The following WWOX variants were observed in gnomAD, a reference collection of about 807,000 sequenced individuals.
The protein encoded by WWOX is WW domain-containing oxidoreductase.
Under a neutral mutation model 46.2 loss-of-function variants are expected in WWOX, and 69 were observed. The ratio of observed to expected loss-of-function variants is 1.49; its 90% CI spans 1.23 to 1.82. WWOX has a LOEUF of 1.82. WWOX is among the 40% of genes most tolerant of loss of function. The pLI is 0.00. For synonymous variants in WWOX, 359 were observed against 202.6 expected, an observed-to-expected ratio of 1.77 and a Z score of -6.56; for missense variants, 919 against 542.6, an observed-to-expected ratio of 1.69 and a Z score of -6.89.
At chr16:78,256,989 G>A (rs1374207317) in intron 5 of WWOX, among the ~76,000 whole-genome samples, 1 of 152,052 alleles carries the variant, frequency 6.6e-6, no homozygotes, top group African/African-American at 2.4e-5. Flanking sequence ...TGAGGCCAAG[G>A]CAGTCTACTC....
At chr16:78,516,659 C>T (rs572548511) in intron 8 of WWOX, among the ~76,000 whole-genome samples, 2 of 152,292 alleles carry the variant, frequency 1.3e-5, no homozygotes, top group East Asian at 3.9e-4. Flanking sequence ...CTGTACCCTT[C>T]ACACGTGCCT....
Position 78,705,625 on chromosome 16 carries a change from G to A in WWOX, c.1056+272873G>A, listed in dbSNP as rs551562071. Among the ~76,000 whole-genome samples, 70 of 152,216 alleles carry A rather than the reference G, an allele frequency of 4.6e-4. No homozygotes were observed. In the South Asian group the frequency reaches 0.014, roughly 31 times the overall value. ...ACTTAAAGTAACAGAAAAGGACTGG[G>A]GAAAAGCTGATGTTGTAGCTGTATG... On this transcript the variant is annotated intron_variant, in intron 8 of 8. Coordinates refer to ENST00000566780, the MANE Select transcript of WWOX (RefSeq NM_016373.4).
rs971703034 is a variant in WWOX at position 78,883,777 on chromosome 16, G to A, written c.1057-327831G>A. Among the ~76,000 whole-genome samples, 4 of 152,006 alleles carry A rather than the reference G, an allele frequency of 2.6e-5. No homozygotes were observed. The South Asian group carries it at 8.3e-4, about 32-fold the overall frequency. ...CAATAAGCGTACCATGGTCATGTGAGATGTTGACATTAGGGGAAAGACAAT... is the reference window on the plus strand; with the variant it reads ...CAATAAGCGTACCATGGTCATGTGAAATGTTGACATTAGGGGAAAGACAAT... On this transcript the variant is annotated intron_variant, in intron 8 of 8. Coordinates refer to ENST00000566780, the MANE Select transcript of WWOX (RefSeq NM_016373.4).
At chr16:78,153,441 A>T (rs1349290550) in intron 4 of WWOX, among the ~76,000 whole-genome samples, 1 of 152,124 alleles carries the variant, frequency 6.6e-6, no homozygotes, top group Non-Finnish European at 1.5e-5. Flanking sequence ...AACAGTCCCC[A>T]CATTTGCATT....
rs139414491 is a variant in WWOX, at chr16:78,287,141, C to G, written c.517-99719C>G. Among the ~76,000 whole-genome samples, 25 of 152,350 alleles carry G rather than the reference C, an allele frequency of 1.6e-4. No individual in the cohort carries two copies. In the East Asian group the frequency reaches 4.6e-3, roughly 28 times the overall value. ...GTGAAATTTGTAATATGTGTCAGAA[C>G]TGGCAATCAACGCCATAAGGACAAT... On this transcript the variant is annotated intron_variant, in intron 5 of 8. Transcript: ENST00000566780.
intron 6 of WWOX, among the ~76,000 whole-genome samples, chr16:78,404,543 TGTG>T (rs1289954553): frequency 6.6e-6 from 1 of 152,156 alleles, no homozygotes; most frequent in African/African-American, 2.4e-5. Context: ...CACTTTCTCT[TGTG>T]GAGTTCGCTA....
At chr16:78,904,262 C>T (rs148445325) in intron 8 of WWOX, among the ~76,000 whole-genome samples, 3,736 of 102,092 alleles carry the variant, frequency 0.037, 182 homozygotes, top group East Asian at 0.3. Flanking sequence ...TTTTTTTAGT[C>T]GGAGTCTCAC....
intron 5 of WWOX, among the ~76,000 whole-genome samples, chr16:78,201,873 G>A (rs896800997): frequency 4.6e-5 from 7 of 151,766 alleles, no homozygotes; most frequent in African/African-American, 1.5e-4. Context: ...CTAATTTTTT[G>A]TATTTTTAGT....
intron 8 of WWOX, among the ~76,000 whole-genome samples, chr16:79,113,570 C>G (rs7206890): frequency 6.6e-6 from 1 of 152,144 alleles, no homozygotes; most frequent in African/African-American, 2.4e-5. Flanking sequence ...AGGCTTACGC[C>G]TGGGTGGAAT....
rs78297852 is a variant in WWOX, at chr16:78,410,980, G to C, written c.606-13890G>C. On this transcript the variant is annotated intron_variant, in intron 6 of 8. Transcript: ENST00000566780. ...GAGGCGAACCTCAGTTCCCTGCCAT[G>C]TGGGCCTCTTCATGGGGCAGTTGAT... is the stretch of plus-strand genomic sequence containing the variant. Among the ~76,000 whole-genome samples the C allele has an allele frequency of 6.6e-3, 1,000 of 152,240 alleles. 5 individuals are homozygous for C. The highest frequency in any genetic ancestry group is 0.011 in the Admixed American group (170 of 15,284).
At chr16:78,985,908 C>A (rs747818078) in intron 8 of WWOX, among the ~76,000 whole-genome samples, 1 of 152,206 alleles carries the variant, frequency 6.6e-6, no homozygotes, top group Non-Finnish European at 1.5e-5. Flanking sequence ...CAGCCAGGAT[C>A]CCTCTCATAC....
intron 8 of WWOX, among the ~76,000 whole-genome samples, chr16:78,439,265 T>C (rs66687628): frequency 0.042 from 6,322 of 152,264 alleles, 266 homozygotes; most frequent in East Asian, 0.23. Flanking sequence ...GGTTTGAATT[T>C]TCTGGTTGCC....
intron 5 of WWOX, among the ~76,000 whole-genome samples, chr16:78,353,503 C>G (rs945606675): frequency 6.6e-6 from 1 of 152,194 alleles, no homozygotes; most frequent in Non-Finnish European, 1.5e-5. Flanking sequence ...CTTTCTGTCC[C>G]TTCTCCTCTA....
intron 8 of WWOX, among the ~76,000 whole-genome samples, chr16:78,637,888 T>C (rs2142105293): frequency 6.6e-6 from 1 of 152,240 alleles, no homozygotes; most frequent in African/African-American, 2.4e-5. Flanking sequence ...CTGTAATTGG[T>C]ACCAGCATCC....
chr16:79,190,337 T>C lies in WWOX; in HGVS notation c.1057-21271T>C, dbSNP rs368471313. ...ACCGTGCCCGGCCTCATATCCTTTT[T>C]TATGGAAAAAAAAAATCGGGAATTA... On this transcript the variant is annotated intron_variant, in intron 8 of 8. Transcript: ENST00000566780. Among the ~76,000 whole-genome samples the C allele has an allele frequency of 3.9e-5, 6 of 152,180 alleles. No homozygotes were observed. In the South Asian group the frequency reaches 8.3e-4, roughly 21 times the overall value.
chr16:78,374,031 C>T (rs573302005), intron 5 of WWOX, among the ~76,000 whole-genome samples: 50 of 152,324 alleles, frequency 3.3e-4, no homozygotes, highest in African/African-American at 1.2e-3. Context: ...AAGTGGTCTG[C>T]CCGCCTTGGC....
chr16:78,464,298 G>A (rs1040120096), intron 8 of WWOX, among the ~76,000 whole-genome samples: 2 of 151,758 alleles, frequency 1.3e-5, no homozygotes, highest in African/African-American at 4.8e-5. Context: ...AAGAAAAAGG[G>A]AGAAGGAAAG....
At chr16:78,458,486 C>A (rs994882141) in intron 8 of WWOX, among the ~76,000 whole-genome samples, 1 of 152,006 alleles carries the variant, frequency 6.6e-6, no homozygotes, top group Admixed American at 6.5e-5. Context: ...GTCTGGAACT[C>A]CTGTGCTCAA....
At chr16:78,863,031 T>C (rs1403349663) in intron 8 of WWOX, among the ~76,000 whole-genome samples, 4 of 149,970 alleles carry the variant, frequency 2.7e-5, no homozygotes, top group Non-Finnish European at 5.9e-5. Flanking sequence ...CAACCTTGGC[T>C]CACCACAACC....
Sources: gnomAD v4.1 joint callset for allele counts (sites outside exome capture counted in the v4.1 genomes callset) on GRCh38, gnomAD v4.1.1 for gene constraint, MANE v1.5 for transcripts, NCBI Gene and HGNC (gene_info 2026-07-23, HGNC 2026-07-21) for gene names.